Variants in SFMBT1 observed in about 807,000 individuals in gnomAD.
SFMBT1 encodes scm-like with four MBT domains protein 1.
Under a neutral mutation model 108.7 loss-of-function variants are expected in SFMBT1, and 32 were observed. The observed-to-expected ratio is 0.29, with a 90% CI of 0.22 to 0.40. The LOEUF (loss-of-function observed/expected upper bound fraction) is 0.40, where lower values mean the gene tolerates loss of function less well. Ranked by LOEUF, SFMBT1 falls within the 10% of genes least tolerant of loss-of-function variation. The probability of loss-of-function intolerance (pLI) is 1.00; values close to 1 mark genes in which losing one functional copy is unlikely to be tolerated. For missense variants in SFMBT1, 816 were observed against 1,059.6 expected (o/e 0.77, Z 3.19); for synonymous variants, 348 against 369.5 (o/e 0.94, Z 0.67).
Position 53,012,691 on chromosome 3 carries a change from C to T in SFMBT1, c.-131+33125G>A, listed in dbSNP as rs193190864. ...TGCTGGGATTACAGGCGTGAGCCAC[C>T]GCGCCCGGCCGAGTGCTCTTAATCC... On this transcript the variant is annotated intron_variant, in intron 1 of 20. Transcript: ENST00000394752. Among the ~76,000 whole-genome samples the T allele has an allele frequency of 5.9e-5, 9 of 151,746 alleles. No homozygotes were observed. In the South Asian group the frequency reaches 6.2e-4, roughly 10 times the overall value.
At chr3:53,011,210 G>A (rs1698931840) in intron 1 of SFMBT1, among the ~76,000 whole-genome samples, 1 of 152,140 alleles carries the variant, frequency 6.6e-6, no homozygotes, top group South Asian at 2.1e-4. Context: ...CATCTTCAAG[G>A]ACAGACAGAA....
At chr3:52,966,127 C>T (rs1166368585) in intron 2 of SFMBT1, among the ~76,000 whole-genome samples, 1 of 144,730 alleles carries the variant, frequency 6.9e-6, no homozygotes, top group Non-Finnish European at 1.5e-5. Context: ...ACCATCCTGG[C>T]TAACAGGGTG....
intron 1 of SFMBT1, among the ~76,000 whole-genome samples, chr3:53,021,443 A>C (rs1699303300): frequency 6.6e-6 from 1 of 152,230 alleles, no homozygotes; most frequent in African/African-American, 2.4e-5. Flanking sequence ...TGTTATGTTT[A>C]AATTTTTCCA....
chr3:53,024,136 G>A (rs1699405566), intron 1 of SFMBT1, among the ~76,000 whole-genome samples: 1 of 152,168 alleles, frequency 6.6e-6, no homozygotes, highest in Admixed American at 6.5e-5. Flanking sequence ...AAATTAATCA[G>A]GGGCAGGGAT....
At chr3:52,959,252 C>T (rs1320641028) in intron 2 of SFMBT1, among the ~76,000 whole-genome samples, 1 of 152,174 alleles carries the variant, frequency 6.6e-6, no homozygotes, top group Non-Finnish European at 1.5e-5. Flanking sequence ...CAAACCTGCA[C>T]ATCCTGCACA....
chr3:53,045,534 G>A (rs1315550272), intron 1 of SFMBT1, among the ~76,000 whole-genome samples: 2 of 142,828 alleles, frequency 1.4e-5, no homozygotes, highest in African/African-American at 5.0e-5. Context: ...CCGCCGCGGC[G>A]AGGCGCCCAG....
At chr3:52,916,537 C>T (rs140832717) in intron 13 of SFMBT1, among the ~76,000 whole-genome samples, 3,413 of 151,630 alleles carry the variant, frequency 0.023, 52 homozygotes, top group Non-Finnish European at 0.034. Flanking sequence ...GGCATGGTGG[C>T]AGGCACCTGT....
intron 9 of SFMBT1, among the ~76,000 whole-genome samples, chr3:52,926,404 G>C (rs1702660423): frequency 6.6e-6 from 1 of 152,008 alleles, no homozygotes; most frequent in African/African-American, 2.4e-5. Context: ...TTAGTTGCTG[G>C]CAATTTACCA....
intron 1 of SFMBT1, among the ~76,000 whole-genome samples, chr3:52,986,498 G>A (rs2106887671): frequency 6.6e-6 from 1 of 152,090 alleles, no homozygotes; most frequent in Admixed American, 6.5e-5. Context: ...CGGGCGCCAT[G>A]GCTCACGTCT....
chr3:53,004,092 G>C (rs1457199363), intron 1 of SFMBT1, among the ~76,000 whole-genome samples: 1 of 149,854 alleles, frequency 6.7e-6, no homozygotes. Context: ...TCAAGTATTA[G>C]ATCATATTCA....
rs1374161183 is a variant in SFMBT1, at chr3:52,928,342, C to T, written c.898-1G>A. 1 of 1,613,086 alleles carries T rather than the reference C, an allele frequency of 6.2e-7. No homozygotes were observed. Among genetic ancestry groups the T allele is most frequent in the Non-Finnish European group, 8.5e-7 (1 of 1,179,884 alleles). ...CCAGAAAGTACTTCTCATCAAAAAC[C>T]TATACATGCAATTAATAGATGAAAT... On this transcript the variant is annotated splice_acceptor_variant, in intron 8 of 20. Transcript: ENST00000394752. LOFTEE classifies it high-confidence loss of function.
At chr3:53,010,729 G>A (rs895463479) in intron 1 of SFMBT1, among the ~76,000 whole-genome samples, 5 of 152,082 alleles carry the variant, frequency 3.3e-5, no homozygotes, top group African/African-American at 1.2e-4. Context: ...TGTATATATA[G>A]AACTTAACTT....
In SFMBT1 at chr3:53,011,287, AAGGCTGGCATC is replaced by A. The variant is rs1412412169; in HGVS notation, c.-131+34518_-131+34528del. Among the ~76,000 whole-genome samples, 6 of 152,160 alleles carry A rather than the reference AAGGCTGGCATC, an allele frequency of 3.9e-5. No individual in the cohort carries two copies. The East Asian group carries it at 5.8e-4, about 15-fold the overall frequency. On this transcript the variant is annotated intron_variant, in intron 1 of 20. Transcript: ENST00000394752. ...GGCCAAGCAGCATGCAAAGGGTACC[AAGGCTGGCATC>A]AGGCTGGCATCAGGTCGGCAAGGGG...
intron 4 of SFMBT1, among the ~76,000 whole-genome samples, chr3:52,939,924 A>C (rs1703130334): frequency 6.6e-6 from 1 of 151,552 alleles, no homozygotes; most frequent in African/African-American, 2.4e-5. Context: ...TTCATTTCTG[A>C]ATGTTTATAA....
At chr3:53,029,185 A>C (rs946580804) in intron 1 of SFMBT1, among the ~76,000 whole-genome samples, 2 of 151,802 alleles carry the variant, frequency 1.3e-5, no homozygotes, top group African/African-American at 4.8e-5. Context: ...AAAAAAAAAA[A>C]AAAAAAAAAG....
At chr3:52,944,537 G>A (rs541957750) in intron 3 of SFMBT1, among the ~76,000 whole-genome samples, 2 of 151,984 alleles carry the variant, frequency 1.3e-5, no homozygotes, top group East Asian at 1.9e-4. Flanking sequence ...TTATTTTTTT[G>A]AGACAAAGTT....
At chr3:53,006,425 T>C (rs1272570591) in intron 1 of SFMBT1, among the ~76,000 whole-genome samples, 5 of 151,934 alleles carry the variant, frequency 3.3e-5, no homozygotes, top group African/African-American at 1.2e-4. Context: ...GGTCAGGAGC[T>C]CAAGACCAGC....
At chr3:52,999,683 T>C (rs559332737) in intron 1 of SFMBT1, among the ~76,000 whole-genome samples, 1 of 149,890 alleles carries the variant, frequency 6.7e-6, no homozygotes, top group South Asian at 2.1e-4. Context: ...GAGTGGCCAC[T>C]TGCCATGACT....
chr3:52,983,864 T>C (rs1704811495), intron 1 of SFMBT1, among the ~76,000 whole-genome samples: 2 of 152,268 alleles, frequency 1.3e-5, no homozygotes, highest in South Asian at 2.1e-4. Flanking sequence ...GGGGAAGCCA[T>C]TGAAGGATTC....
Sources: gnomAD v4.1 joint callset for allele counts (sites outside exome capture counted in the v4.1 genomes callset) on GRCh38, gnomAD v4.1.1 for gene constraint, MANE v1.5 for transcripts, NCBI Gene and HGNC (gene_info 2026-07-23, HGNC 2026-07-21) for gene names.